Variants in RFC3 observed in about 807,000 individuals in gnomAD.
RFC3 encodes the protein A1 38 kDa subunit.
In RFC3, 41 loss-of-function variants were observed where a neutral mutation model predicts 45.1. The ratio of observed to expected loss-of-function variants is 0.91; its 90% confidence interval spans 0.71 to 1.18. RFC3 has a LOEUF of 1.18. RFC3 is among the 50% of genes most tolerant of loss of function. The pLI, the probability that RFC3 is intolerant of heterozygous loss-of-function variation, is 0.00. For synonymous variants in RFC3, 149 were observed against 144.0 expected, an observed-to-expected ratio of 1.03 and a Z score of -0.25; for missense variants, 423 against 428.1, an observed-to-expected ratio of 0.99 and a Z score of 0.10.
At chr13:33,879,509 A>G (rs904600830) in intron 8 of RFC3, among the ~76,000 whole-genome samples, 11 of 152,324 alleles carry the variant, frequency 7.2e-5, no homozygotes, top group South Asian at 4.1e-4. Flanking sequence ...TGAAGCTTCA[A>G]AGTCTTAGGG....
chr13:33,881,753 C>A (rs1278655019), intron 8 of RFC3, among the ~76,000 whole-genome samples: 1 of 152,174 alleles, frequency 6.6e-6, no homozygotes, highest in Admixed American at 6.5e-5. Flanking sequence ...CTTTCCTCTG[C>A]CCATCAGGCT....
intron 2 of RFC3, among the ~76,000 whole-genome samples, chr13:33,822,042 AATC>A (rs1158338632): frequency 1.3e-5 from 2 of 152,220 alleles, no homozygotes; most frequent in Non-Finnish European, 2.9e-5. Flanking sequence ...GCATTGAAAA[AATC>A]ATATGCTGAG....
chr13:33,959,724 C>G (rs1357775246), intron 8 of RFC3, among the ~76,000 whole-genome samples: 1 of 152,128 alleles, frequency 6.6e-6, no homozygotes, highest in Non-Finnish European at 1.5e-5. Context: ...CCTCTACCAC[C>G]AAGGTATGGC....
intron 8 of RFC3, among the ~76,000 whole-genome samples, chr13:33,875,386 C>T (rs1361875523): frequency 6.6e-6 from 1 of 152,152 alleles, no homozygotes; most frequent in Non-Finnish European, 1.5e-5. Flanking sequence ...AATGACGAAG[C>T]ATTACCCAGG....
chr13:33,882,690 C>A (rs191039005), intron 8 of RFC3, among the ~76,000 whole-genome samples: 1 of 152,326 alleles, frequency 6.6e-6, no homozygotes, highest in African/African-American at 2.4e-5. Flanking sequence ...GCCACCCAAT[C>A]TTTTGTGTTT....
At chr13:33,851,306 G>T (rs2082274998) in intron 8 of RFC3, among the ~76,000 whole-genome samples, 1 of 152,222 alleles carries the variant, frequency 6.6e-6, no homozygotes, top group African/African-American at 2.4e-5. Context: ...TCGGGGGTTG[G>T]AGCATCAACC....
intron 8 of RFC3, among the ~76,000 whole-genome samples, chr13:33,949,287 A>T (rs2082974044): frequency 1.3e-5 from 2 of 152,170 alleles, no homozygotes. Flanking sequence ...GCCTTTTGCC[A>T]TAATTGTAAG....
intron 8 of RFC3, among the ~76,000 whole-genome samples, chr13:33,923,565 T>C (rs963136802): frequency 6.6e-6 from 1 of 152,086 alleles, no homozygotes; most frequent in Non-Finnish European, 1.5e-5. Flanking sequence ...AGAGGTGATA[T>C]TGACTAGGGC....
chr13:33,908,021 G>A (rs1009205867), intron 8 of RFC3, among the ~76,000 whole-genome samples: 1 of 151,414 alleles, frequency 6.6e-6, no homozygotes, highest in Non-Finnish European at 1.5e-5. Flanking sequence ...CAATGTGTTC[G>A]TAATAAAGAA....
At chr13:33,874,855 A>T (rs1205925218) in intron 8 of RFC3, among the ~76,000 whole-genome samples, 1 of 152,216 alleles carries the variant, frequency 6.6e-6, no homozygotes, top group Non-Finnish European at 1.5e-5. Context: ...CCATATATTC[A>T]GGTTGATTCC....
rs2082096017 is a variant in RFC3, at chr13:33,830,869, G to T, written c.710+14G>T. The T allele has an allele frequency of 1.9e-6, 3 of 1,605,612 alleles. No homozygotes were observed. The South Asian group carries it at 3.4e-5, about 18-fold the overall frequency. ...CAGAGTGCAACAGTGAGTGGAAGGG[G>T]TAGTTACATTCTAGGACTTTGGCCC... On this transcript the variant is annotated intron_variant, in intron 6 of 8. Coordinates refer to ENST00000380071, the MANE Select transcript of RFC3 (RefSeq NM_002915.4).
At chr13:33,854,646 CCCCT>C (rs1354175984) in intron 8 of RFC3, among the ~76,000 whole-genome samples, 1 of 151,990 alleles carries the variant, frequency 6.6e-6, no homozygotes, top group African/African-American at 2.4e-5. Flanking sequence ...AGAATGGCTG[CCCCT>C]GAGAGATGGT....
At chr13:33,885,819 T>C (rs1424135055) in intron 8 of RFC3, among the ~76,000 whole-genome samples, 1 of 152,236 alleles carries the variant, frequency 6.6e-6, no homozygotes, top group African/African-American at 2.4e-5. Context: ...CTGGAGTCAC[T>C]GTGAGTTGCC....
the RFC3 span, among the ~76,000 whole-genome samples, chr13:33,973,360 A>G: frequency 1.3e-5 from 2 of 152,214 alleles, no homozygotes; most frequent in African/African-American, 4.8e-5. Context: ...AAAGCTCAGC[A>G]GATAAAAATC....
intron 8 of RFC3, among the ~76,000 whole-genome samples, chr13:33,928,729 T>C (rs1002547275): frequency 2.6e-5 from 4 of 152,136 alleles, no homozygotes; most frequent in Non-Finnish European, 5.9e-5. Context: ...AGCTTGCCTG[T>C]GTTTAAACCT....
At chr13:33,830,316 A>C (rs1000430150) in intron 5 of RFC3, among the ~76,000 whole-genome samples, 9 of 152,198 alleles carry the variant, frequency 5.9e-5, no homozygotes, top group African/African-American at 2.2e-4. Context: ...TTAGTTGGCT[A>C]TAAGAGGAGG....
chr13:33,836,652 C>T lies in RFC3; in HGVS notation c.*357C>T. 1.0e-6 allele frequency: 1 copy of T among 994,148 alleles called. No homozygotes were observed. Among genetic ancestry groups the T allele is most frequent in the Non-Finnish European group, 1.2e-6 (1 of 835,524 alleles). The allele number at this position is 994,148 out of a possible 1,614,324, so 61.6% of individuals were successfully genotyped here. On this transcript the variant is annotated 3_prime_UTR_variant, in exon 9 of 9. Transcript: ENST00000380071. ...AAAGCAAAGATTATTTTCATTTATC[C>T]AGATGACCATTTTCTGCCACAGGTA...
intron 8 of RFC3, among the ~76,000 whole-genome samples, chr13:33,909,625 G>T (rs1176625355): frequency 6.6e-6 from 1 of 151,528 alleles, no homozygotes; most frequent in East Asian, 1.9e-4. Flanking sequence ...CTATTTTCTA[G>T]TGTGGGATAA....
At chr13:33,826,930 T>C (rs2082055051) in intron 4 of RFC3, among the ~76,000 whole-genome samples, 1 of 152,198 alleles carries the variant, frequency 6.6e-6, no homozygotes, top group African/African-American at 2.4e-5. Context: ...TGTTTCCCCA[T>C]AATTAATTGC....
Sources: allele counts gnomAD v4.1 joint callset (sites outside exome capture counted in the v4.1 genomes callset), GRCh38; gene constraint gnomAD v4.1.1; transcripts MANE v1.5; gene names NCBI Gene and HGNC (gene_info 2026-07-23, HGNC 2026-07-21).